LHFPL3: variants seen among roughly 807,000 people sequenced by gnomAD.
LHFPL3 encodes the protein LHFPL tetraspan subfamily member 3 protein.
A neutral mutation model predicts 19.3 loss-of-function variants in LHFPL3; 5 were observed. The ratio of observed to expected loss-of-function variants is 0.26; its 90% CI spans 0.14 to 0.54. The LOEUF is 0.54. Among genes scored for constraint, LHFPL3 ranks in the 20% least tolerant of loss-of-function variants. The pLI, the probability that LHFPL3 is intolerant of heterozygous loss-of-function variation, is 0.94. For synonymous variants in LHFPL3, 133 were observed against 126.2 expected, an observed-to-expected ratio of 1.05 and a Z score of -0.36; for missense variants, 249 against 307.4, an observed-to-expected ratio of 0.81 and a Z score of 1.42.
chr7:104,405,159 T>C (rs1003695953), intron 1 of LHFPL3, among the ~76,000 whole-genome samples: 2 of 152,110 alleles, frequency 1.3e-5, no homozygotes, highest in Non-Finnish European at 1.5e-5. Flanking sequence ...AAAATCATGA[T>C]TGGGTTTGTC....
intron 1 of LHFPL3, among the ~76,000 whole-genome samples, chr7:104,384,810 A>T (rs1562881231): frequency 6.7e-6 from 1 of 148,588 alleles, no homozygotes; most frequent in African/African-American, 2.5e-5. Context: ...AAAAAAAAAA[A>T]AGAAGAATGA....
intron 1 of LHFPL3, among the ~76,000 whole-genome samples, chr7:104,527,629 T>C (rs1300119633): frequency 6.6e-6 from 1 of 152,054 alleles, no homozygotes; most frequent in Non-Finnish European, 1.5e-5. Context: ...ATATCGGTAA[T>C]GATCTGTGAG....
chr7:104,342,223 C>A (rs1432560001), intron 1 of LHFPL3, among the ~76,000 whole-genome samples: 1 of 151,642 alleles, frequency 6.6e-6, no homozygotes, highest in Non-Finnish European at 1.5e-5. Flanking sequence ...CTCTAAGGTT[C>A]TAAACAGCCC....
chr7:104,675,980 G>A (rs1380950861), intron 1 of LHFPL3, among the ~76,000 whole-genome samples: 1 of 152,200 alleles, frequency 6.6e-6, no homozygotes, highest in African/African-American at 2.4e-5. Context: ...TTTAAAGCCT[G>A]GGACCAGATG....
chr7:104,525,419 A>C (rs1794167766), intron 1 of LHFPL3, among the ~76,000 whole-genome samples: 1 of 152,054 alleles, frequency 6.6e-6, no homozygotes, highest in African/African-American at 2.4e-5. Context: ...TTTGGTTGCA[A>C]GTGACAGAAA....
intron 1 of LHFPL3, among the ~76,000 whole-genome samples, chr7:104,527,683 G>A (rs1248474173): frequency 6.6e-6 from 1 of 152,170 alleles, no homozygotes; most frequent in African/African-American, 2.4e-5. Flanking sequence ...GATAGCAGAG[G>A]AGTGAAGGAG....
At chr7:104,468,363 C>G (rs974724379) in intron 1 of LHFPL3, among the ~76,000 whole-genome samples, 8 of 152,192 alleles carry the variant, frequency 5.3e-5, no homozygotes, top group African/African-American at 1.9e-4. Context: ...TTTTAATTTC[C>G]CAACCTCTAA....
rs186189920 is a variant in LHFPL3 at position 104,458,389 on chromosome 7, T to C, written c.445+129165T>C. 3.3e-3 allele frequency among the ~76,000 whole-genome samples: 506 copies of C among 152,366 alleles called. 2 individuals carry two copies. Among genetic ancestry groups the C allele is most frequent in the African/African-American group, 0.012 (480 of 41,584 alleles). On this transcript the variant is annotated intron_variant, in intron 1 of 2. Transcript: ENST00000424859. ...AAATAGGGAATCCTTTCCCCATTGT[T>C]TGTTTTTGTCAGGTTTGTCAAAGAT...
At chr7:104,812,803 C>CAAAAA (rs59809377) in intron 2 of LHFPL3, among the ~76,000 whole-genome samples, 11 of 31,338 alleles carry the variant, frequency 3.5e-4, no homozygotes, top group African/African-American at 6.2e-4. Context: ...GACTCCATCT[C>CAAAAA]AAAAAAAAAA....
chr7:104,667,964 C>G, intron 1 of LHFPL3: 2 of 1,613,448 alleles, frequency 1.2e-6, no homozygotes, highest in Non-Finnish European at 1.7e-6. Flanking sequence ...ACCGTTCCAT[C>G]CTTCCCACTG....
chr7:104,478,444 G>A (rs1049637000), intron 1 of LHFPL3, among the ~76,000 whole-genome samples: 4 of 151,988 alleles, frequency 2.6e-5, no homozygotes, highest in African/African-American at 9.7e-5. Flanking sequence ...TCTCTCCACC[G>A]CTCCATTCAC....
chr7:104,563,633 C>A (rs1191665626), intron 1 of LHFPL3, among the ~76,000 whole-genome samples: 2 of 152,278 alleles, frequency 1.3e-5, no homozygotes, highest in African/African-American at 4.8e-5. Context: ...ATGCAGAAAT[C>A]ACCCGTCTTC....
At chr7:104,692,927 A>G (rs1792930265) in intron 1 of LHFPL3, among the ~76,000 whole-genome samples, 1 of 152,166 alleles carries the variant, frequency 6.6e-6, no homozygotes. Context: ...AACTAGCACC[A>G]TGCAACTAGA....
chr7:104,511,724 G>C (rs1187289105), intron 1 of LHFPL3, among the ~76,000 whole-genome samples: 4 of 152,080 alleles, frequency 2.6e-5, no homozygotes, highest in African/African-American at 9.7e-5. Flanking sequence ...TACATTGCTT[G>C]GGTGATGGGT....
chr7:104,557,218 G>A (rs150595703), intron 1 of LHFPL3, among the ~76,000 whole-genome samples: 253 of 152,118 alleles, frequency 1.7e-3, no homozygotes, highest in African/African-American at 5.8e-3. Flanking sequence ...CACTCTACTG[G>A]TACCAATTTA....
chr7:104,574,430 A>G (rs1790284450), intron 1 of LHFPL3, among the ~76,000 whole-genome samples: 1 of 152,218 alleles, frequency 6.6e-6, no homozygotes, highest in African/African-American at 2.4e-5. Context: ...GGGCTTATTC[A>G]GAAAGCCCTT....
At chr7:104,378,124 G>T (rs1331741754) in intron 1 of LHFPL3, among the ~76,000 whole-genome samples, 2 of 152,052 alleles carry the variant, frequency 1.3e-5, no homozygotes, top group African/African-American at 4.8e-5. Flanking sequence ...TTTAATTTTT[G>T]TGGGTACCTA....
intron 2 of LHFPL3, among the ~76,000 whole-genome samples, chr7:104,769,624 G>A (rs181767224): frequency 0.015 from 1,410 of 96,610 alleles, 21 homozygotes; most frequent in African/African-American, 0.053. Flanking sequence ...CCCAACCCCC[G>A]ACAGGCCCCG....
intron 2 of LHFPL3, among the ~76,000 whole-genome samples, chr7:104,840,474 C>CTTTTTT (rs71155530): frequency 1.7e-4 from 11 of 65,544 alleles, no homozygotes; most frequent in Admixed American, 2.6e-4. Context: ...TTTTCTTTTC[C>CTTTTTT]TTTTTTTTTT....
Sources: allele counts gnomAD v4.1 joint callset (sites outside exome capture counted in the v4.1 genomes callset), GRCh38; gene constraint gnomAD v4.1.1; transcripts MANE v1.5; gene names NCBI Gene and HGNC (gene_info 2026-07-23, HGNC 2026-07-21).